The following THSD4 variants were observed in gnomAD, a reference collection of about 807,000 sequenced individuals.
THSD4 encodes the protein thrombospondin type-1 domain-containing protein 4.
THSD4 carries 69 observed loss-of-function variants against 119.0 expected under a neutral mutation model. That is an observed-to-expected ratio of 0.58 (90% confidence interval 0.48 to 0.71). THSD4 has a LOEUF of 0.71. Among genes scored for constraint, THSD4 ranks in the 30% least tolerant of loss-of-function variants. The pLI, the probability that THSD4 is intolerant of heterozygous loss-of-function variation, is 0.00. For missense variants in THSD4, 1,393 were observed against 1,391.1 expected (o/e 1.00, Z -0.02); for synonymous variants, 524 against 540.4 (o/e 0.97, Z 0.42).
chr15:71,485,905 C>T (rs1406710466), intron 7 of THSD4, among the ~76,000 whole-genome samples: 5 of 152,158 alleles, frequency 3.3e-5, no homozygotes, highest in South Asian at 2.1e-4. Flanking sequence ...ATTAGAACGT[C>T]AAATACCACT....
Position 71,582,455 on chromosome 15 carries a change from G to A in THSD4, c.1153-78075G>A, listed in dbSNP as rs142114761. On this transcript the variant is annotated intron_variant, in intron 7 of 17. Transcript: ENST00000261862. ...GAGACAGTTTGATTTTTTTCCTTTC[G>A]AATTTGGATGCCTTTTATTTCTTTT... Among the ~76,000 whole-genome samples, 16 of 151,884 alleles carry A rather than the reference G, an allele frequency of 1.1e-4. No individual in the cohort carries two copies. The South Asian group carries it at 1.7e-3, about 16-fold the overall frequency.
At chr15:71,203,471 A>G (rs1300566004) in intron 3 of THSD4, among the ~76,000 whole-genome samples, 2 of 151,022 alleles carry the variant, frequency 1.3e-5, no homozygotes, top group African/African-American at 4.8e-5. Flanking sequence ...CCTGGCCAAC[A>G]TGATGAAACC....
At chr15:71,608,949 CAA>C (rs1396003863) in intron 7 of THSD4, among the ~76,000 whole-genome samples, 1 of 152,174 alleles carries the variant, frequency 6.6e-6, no homozygotes, top group Non-Finnish European at 1.5e-5. Flanking sequence ...TTGGCTAACT[CAA>C]GAGGACATCA....
chr15:71,633,291 T>C (rs2050672069), intron 7 of THSD4, among the ~76,000 whole-genome samples: 1 of 143,422 alleles, frequency 7.0e-6, no homozygotes, highest in Admixed American at 7.0e-5. Flanking sequence ...TTTTTTTTTT[T>C]TGGAGACAGG....
intron 7 of THSD4, among the ~76,000 whole-genome samples, chr15:71,633,785 A>G (rs564757632): frequency 1.3e-5 from 2 of 152,372 alleles, no homozygotes; most frequent in East Asian, 3.9e-4. Context: ...GGATATGGGC[A>G]TGGGATTTAA....
At chr15:71,380,747 A>T (rs1265674823) in intron 6 of THSD4, among the ~76,000 whole-genome samples, 1 of 152,192 alleles carries the variant, frequency 6.6e-6, no homozygotes, top group Non-Finnish European at 1.5e-5. Context: ...GCCTGGCAAC[A>T]CATGTCATAG....
intron 5 of THSD4, 24 bp downstream of exon 5, chr15:71,243,120 G>A (rs556945436): frequency 1.5e-5 from 24 of 1,575,558 alleles, no homozygotes; most frequent in South Asian, 1.1e-4. Flanking sequence ...ACCCATACCG[G>A]GCCTGGAAAC....
intron 7 of THSD4, among the ~76,000 whole-genome samples, chr15:71,438,935 C>T (rs1417975824): frequency 6.6e-6 from 1 of 152,120 alleles, no homozygotes; most frequent in Non-Finnish European, 1.5e-5. Context: ...AATGAATATT[C>T]TATGACTTTT....
At chr15:71,225,767 C>G (rs2044013217) in intron 4 of THSD4, among the ~76,000 whole-genome samples, 1 of 152,038 alleles carries the variant, frequency 6.6e-6, no homozygotes, top group South Asian at 2.1e-4. Flanking sequence ...TCTCGAACTC[C>G]TGACCTCAAG....
intron 6 of THSD4, among the ~76,000 whole-genome samples, chr15:71,277,833 C>T (rs552040822): frequency 2.0e-5 from 3 of 152,258 alleles, no homozygotes; most frequent in African/African-American, 7.2e-5. Context: ...AGATACCTCC[C>T]AGCCCTTTCT....
chr15:71,401,432 T>C (rs2046531504), intron 6 of THSD4, among the ~76,000 whole-genome samples: 1 of 152,226 alleles, frequency 6.6e-6, no homozygotes, highest in Non-Finnish European at 1.5e-5. Context: ...ACATGTTTTA[T>C]AGAGTCAAAT....
At chr15:71,116,989 A>T (rs951407673) in intron 1 of THSD4, among the ~76,000 whole-genome samples, 2 of 152,014 alleles carry the variant, frequency 1.3e-5, no homozygotes, top group African/African-American at 4.8e-5. Context: ...TAGCCCTGAA[A>T]TTAATGTGAG....
At chr15:71,591,005 C>CAAAAAAAAAAAAAAAAAAAAAAAA in intron 7 of THSD4, among the ~76,000 whole-genome samples, 1 of 57,482 alleles carries the variant, frequency 1.7e-5, no homozygotes. Flanking sequence ...GACTCCATCT[C>CAAAAAAAAAAAAAAAAAAAAAAAA]AAAAAAAAAA....
At chr15:71,441,426 A>G (rs1320713645) in intron 7 of THSD4, among the ~76,000 whole-genome samples, 20 of 27,120 alleles carry the variant, frequency 7.4e-4, no homozygotes, top group South Asian at 2.3e-3. Flanking sequence ...TTTGAGATGG[A>G]GTCTTGCTCT....
intron 7 of THSD4, among the ~76,000 whole-genome samples, chr15:71,487,405 T>C (rs1323646174): frequency 1.3e-5 from 2 of 152,232 alleles, no homozygotes; most frequent in Non-Finnish European, 2.9e-5. Context: ...GGAAACTGTT[T>C]TCTGGAAAGT....
At chr15:71,561,889 C>A (rs1202470030) in intron 7 of THSD4, among the ~76,000 whole-genome samples, 5 of 63,138 alleles carry the variant, frequency 7.9e-5, no homozygotes, top group African/African-American at 1.9e-4. Flanking sequence ...CACACACACA[C>A]ACACACACAC....
chr15:71,263,944 A>G (rs374524575), intron 6 of THSD4, among the ~76,000 whole-genome samples: 2 of 152,230 alleles, frequency 1.3e-5, no homozygotes, highest in South Asian at 4.1e-4. Flanking sequence ...TTGCAAGAAT[A>G]GTAGATGTTG....
At chr15:71,652,389 T>C (rs1486758720) in intron 7 of THSD4, among the ~76,000 whole-genome samples, 2 of 152,244 alleles carry the variant, frequency 1.3e-5, no homozygotes, top group African/African-American at 4.8e-5. Context: ...TCTAGAGGTT[T>C]CTAGTATTCT....
chr15:71,774,591 A>T (rs1235626859), intron 17 of THSD4, among the ~76,000 whole-genome samples: 1 of 152,138 alleles, frequency 6.6e-6, no homozygotes, highest in East Asian at 1.9e-4. Flanking sequence ...CTAGGAATAT[A>T]TACTAAAAAT....
Sources: gnomAD v4.1 joint callset for allele counts (sites outside exome capture counted in the v4.1 genomes callset) on GRCh38, gnomAD v4.1.1 for gene constraint, MANE v1.5 for transcripts, NCBI Gene and HGNC (gene_info 2026-07-23, HGNC 2026-07-21) for gene names.